GRM7: variants seen among roughly 807,000 people sequenced by gnomAD.
GRM7 encodes the protein metabotropic glutamate receptor 7.
In GRM7, 35 loss-of-function variants were observed where a neutral mutation model predicts 84.5. The observed-to-expected ratio is 0.41, with a 90% CI of 0.32 to 0.55. The LOEUF (loss-of-function observed/expected upper bound fraction) is 0.55, where lower values mean the gene tolerates loss of function less well. Among genes scored for constraint, GRM7 ranks in the 20% least tolerant of loss-of-function variants. The pLI is 0.19. For synonymous variants in GRM7, 487 were observed against 455.1 expected (o/e 1.07, Z -0.89); for missense variants, 1,003 against 1,194.6 (o/e 0.84, Z 2.36).
At chr3:7,256,125 T>A (rs1698187676) in intron 2 of GRM7, among the ~76,000 whole-genome samples, 1 of 152,174 alleles carries the variant, frequency 6.6e-6, no homozygotes, top group Non-Finnish European at 1.5e-5. Context: ...TGGTGTTTCC[T>A]CTCATTGCAA....
chr3:6,899,160 A>G (rs1376698890), intron 1 of GRM7, among the ~76,000 whole-genome samples: 1 of 152,198 alleles, frequency 6.6e-6, no homozygotes, highest in African/African-American at 2.4e-5. Flanking sequence ...AATAGCTATC[A>G]TCCATTGAAT....
intron 8 of GRM7, among the ~76,000 whole-genome samples, chr3:7,628,537 T>G (rs1052899473): frequency 8.5e-5 from 13 of 152,238 alleles, no homozygotes; most frequent in African/African-American, 3.1e-4. Context: ...TTCTATATTA[T>G]ATTGCCAACA....
At chr3:7,295,826 T>G (rs1699794484) in intron 2 of GRM7, among the ~76,000 whole-genome samples, 1 of 147,320 alleles carries the variant, frequency 6.8e-6, no homozygotes, top group Non-Finnish European at 1.5e-5. Flanking sequence ...TAGCTTTTTT[T>G]TGGGGGGGGG....
intron 1 of GRM7, among the ~76,000 whole-genome samples, chr3:7,102,665 C>T (rs6443087): frequency 0.33 from 49,851 of 151,484 alleles, 10,668 homozygotes; most frequent in African/African-American, 0.62. Flanking sequence ...CTTCTCCTTC[C>T]GAAACTTCAA....
intron 1 of GRM7, among the ~76,000 whole-genome samples, chr3:7,141,842 T>G (rs1339166190): frequency 6.6e-6 from 1 of 152,116 alleles, no homozygotes; most frequent in Non-Finnish European, 1.5e-5. Context: ...TATTAATTAA[T>G]AAATGGTGCT....
At chr3:7,072,678 C>A (rs554350149) in intron 1 of GRM7, among the ~76,000 whole-genome samples, 1 of 152,006 alleles carries the variant, frequency 6.6e-6, no homozygotes, top group Non-Finnish European at 1.5e-5. Flanking sequence ...CAGACTGAGA[C>A]CCTGTCTCAA....
intron 2 of GRM7, among the ~76,000 whole-genome samples, chr3:7,244,263 A>C (rs910466673): frequency 3.3e-5 from 5 of 152,112 alleles, no homozygotes; most frequent in Admixed American, 2.0e-4. Flanking sequence ...TTGTACAGCT[A>C]TGTACAGCTC....
At chr3:7,325,074 G>C (rs1298407231) in intron 4 of GRM7, among the ~76,000 whole-genome samples, 1 of 152,154 alleles carries the variant, frequency 6.6e-6, no homozygotes, top group African/African-American at 2.4e-5. Context: ...GAGCCTCATT[G>C]CCTTGCAGAC....
chr3:7,648,977 T>C (rs1490432921), intron 8 of GRM7, among the ~76,000 whole-genome samples: 3 of 149,064 alleles, frequency 2.0e-5, no homozygotes. Flanking sequence ...GAAGCACTCA[T>C]TGTTTCCCCC....
In GRM7 at chr3:7,292,725, T is replaced by A. The variant is rs201678333; in HGVS notation, c.737-5959T>A. 2.1e-3 allele frequency among the ~76,000 whole-genome samples: 304 copies of A among 147,114 alleles called. 1 individual carries two copies. Among genetic ancestry groups the A allele is most frequent in the Admixed American group, 6.7e-3 (99 of 14,866 alleles). On this transcript the variant is annotated intron_variant, in intron 2 of 9. Transcript: ENST00000357716. ...CTTACATATATTATTTCTTTTTTTT[T>A]TAAAAAAAAAAACAAACCATTGAGG... is the stretch of plus-strand genomic sequence containing the variant.
At chr3:7,181,194 T>C (rs13076757) in intron 2 of GRM7, among the ~76,000 whole-genome samples, 38,546 of 152,134 alleles carry the variant, frequency 0.25, 5,657 homozygotes, top group Non-Finnish European at 0.34. Flanking sequence ...CCTTCTCTTC[T>C]TTCCATACCC....
At chr3:7,686,885 T>C (rs976451336) in intron 9 of GRM7, among the ~76,000 whole-genome samples, 2 of 152,218 alleles carry the variant, frequency 1.3e-5, no homozygotes, top group African/African-American at 4.8e-5. Context: ...TGTTCTAATT[T>C]ATTTTTAGTA....
At chr3:7,335,440 T>G (rs1006390559) in intron 4 of GRM7, among the ~76,000 whole-genome samples, 4 of 152,008 alleles carry the variant, frequency 2.6e-5, no homozygotes, top group African/African-American at 9.7e-5. Context: ...TAGCATTAAA[T>G]GCTTACATAA....
intron 4 of GRM7, among the ~76,000 whole-genome samples, chr3:7,320,195 G>A (rs1700725908): frequency 6.6e-6 from 1 of 151,782 alleles, no homozygotes; most frequent in Admixed American, 6.6e-5. Flanking sequence ...TAGTAGGGGA[G>A]TAAAGATTTT....
intron 7 of GRM7, among the ~76,000 whole-genome samples, chr3:7,473,973 G>T (rs998975288): frequency 5.9e-5 from 9 of 152,110 alleles, no homozygotes; most frequent in African/African-American, 2.2e-4. Flanking sequence ...GTGATTGCAG[G>T]GGATTTGTTC....
At chr3:7,635,617 C>T (rs979852574) in intron 8 of GRM7, among the ~76,000 whole-genome samples, 6 of 152,136 alleles carry the variant, frequency 3.9e-5, no homozygotes, top group East Asian at 1.9e-4. Flanking sequence ...ATCTGAGGCC[C>T]GCAGTCCTCT....
chr3:7,492,872 A>G (rs1699572410), intron 7 of GRM7, among the ~76,000 whole-genome samples: 1 of 151,898 alleles, frequency 6.6e-6, no homozygotes, highest in African/African-American at 2.4e-5. Context: ...ACAAATTTTG[A>G]TATGTTGTTG....
At chr3:7,263,028 T>C (rs1241323347) in intron 2 of GRM7, among the ~76,000 whole-genome samples, 1 of 152,244 alleles carries the variant, frequency 6.6e-6, no homozygotes, top group Non-Finnish European at 1.5e-5. Flanking sequence ...GTTCTTGTTC[T>C]AGTTATTACT....
chr3:7,214,824 T>C (rs1696547700), intron 2 of GRM7, among the ~76,000 whole-genome samples: 1 of 152,188 alleles, frequency 6.6e-6, no homozygotes, highest in Non-Finnish European at 1.5e-5. Context: ...CCTCATTATC[T>C]GAGCATGGTT....
Sources: gnomAD v4.1 joint callset for allele counts (sites outside exome capture counted in the v4.1 genomes callset) on GRCh38, gnomAD v4.1.1 for gene constraint, MANE v1.5 for transcripts, NCBI Gene and HGNC (gene_info 2026-07-23, HGNC 2026-07-21) for gene names.